The following BRD10 variants were observed in gnomAD, a reference collection of about 807,000 sequenced individuals.
BRD10 encodes the protein bromodomain containing 10.
At chr9:5,940,415 G>T in the BRD10 span, among the ~76,000 whole-genome samples, 1 of 151,960 alleles carries the variant, frequency 6.6e-6, no homozygotes, top group Non-Finnish European at 1.5e-5. Flanking sequence ...GGCTGGTCTC[G>T]AACTCCCAAC....
chr9:5,884,939 G>A, the BRD10 span, among the ~76,000 whole-genome samples: 29 of 152,270 alleles, frequency 1.9e-4, no homozygotes, highest in East Asian at 1.2e-3. Context: ...AATAGAGCCC[G>A]GGAACTGATG....
the BRD10 span, among the ~76,000 whole-genome samples, chr9:5,915,553 T>C: frequency 3.3e-5 from 5 of 152,306 alleles, no homozygotes; most frequent in East Asian, 9.6e-4. Flanking sequence ...TCTTAACCTA[T>C]AGCATTTCAT....
the BRD10 span, among the ~76,000 whole-genome samples, chr9:5,946,386 A>C: frequency 1.3e-5 from 2 of 152,044 alleles, no homozygotes; most frequent in African/African-American, 4.8e-5. Flanking sequence ...ATTTATTAGA[A>C]ACTACACATT....
chr9:5,920,166 T>A, the BRD10 span: 5 of 1,614,026 alleles, frequency 3.1e-6, no homozygotes, highest in South Asian at 5.5e-5. Context: ...GATGCTAGTG[T>A]GATCTTCTGG....
the BRD10 span, among the ~76,000 whole-genome samples, chr9:5,978,352 A>G: frequency 6.6e-6 from 1 of 151,792 alleles, no homozygotes. Flanking sequence ...CAAAGAGGTG[A>G]GAAAACATGG....
the BRD10 span, chr9:5,897,560 C>T: frequency 1.6e-4 from 257 of 1,614,022 alleles, 1 homozygote; most frequent in East Asian, 4.7e-3. Context: ...GGGCCAGGGC[C>T]GCTGGGATCG....
the BRD10 span, among the ~76,000 whole-genome samples, chr9:5,948,577 G>T: frequency 1.3e-5 from 2 of 151,116 alleles, no homozygotes; most frequent in African/African-American, 4.9e-5. Context: ...CTTCAAACTA[G>T]AAATTATGTC....
the BRD10 span, among the ~76,000 whole-genome samples, chr9:5,951,569 A>G: frequency 2.2e-4 from 33 of 152,316 alleles, no homozygotes; most frequent in South Asian, 4.1e-4. Context: ...GTGATATTTA[A>G]AACACCTTGA....
the BRD10 span, chr9:5,969,420 T>C: frequency 6.4e-7 from 1 of 1,568,324 alleles, no homozygotes; most frequent in Non-Finnish European, 8.6e-7. Context: ...GCTTCTTTTC[T>C]TTCCTGCTCC....
chr9:5,968,068 A>C, the BRD10 span: 1 of 1,553,306 alleles, frequency 6.4e-7, no homozygotes, highest in Non-Finnish European at 8.7e-7. Flanking sequence ...TCAATAACTT[A>C]TTCTGGATCT....
the BRD10 span, among the ~76,000 whole-genome samples, chr9:5,954,457 T>G: frequency 6.6e-6 from 1 of 152,196 alleles, no homozygotes; most frequent in African/African-American, 2.4e-5. Context: ...AAACCTTACC[T>G]TTAACATTGA....
At chr9:6,007,240 T>C in the BRD10 span, 13 of 1,613,772 alleles carry the variant, frequency 8.1e-6, no homozygotes, top group Admixed American at 2.2e-4. Flanking sequence ...CTCCAGCTTC[T>C]GGCCCTGTTT....
chr9:5,883,164 A>C, the BRD10 span, among the ~76,000 whole-genome samples: 3 of 80,994 alleles, frequency 3.7e-5, no homozygotes, highest in East Asian at 2.7e-4. Context: ...ATAAAAAAAA[A>C]CAAAAACAAA....
the BRD10 span, among the ~76,000 whole-genome samples, chr9:5,959,472 T>TA: frequency 6.6e-6 from 1 of 152,222 alleles, no homozygotes. Context: ...ATAGCATGTA[T>TA]AAAGGCTTAG....
At chr9:5,968,715 G>C in the BRD10 span, 1 of 1,613,638 alleles carries the variant, frequency 6.2e-7, no homozygotes, top group Non-Finnish European at 8.5e-7. Flanking sequence ...AATTTAATCC[G>C]AGGTACTCTT....
At chr9:5,897,796 A>T in the BRD10 span, 1 of 749,078 alleles carries the variant, frequency 1.3e-6, no homozygotes, top group Non-Finnish European at 2.3e-6. Flanking sequence ...CTTTTGCTAC[A>T]TTGTACTTTG....
chr9:5,923,013 G>T, the BRD10 span: 2 of 1,613,948 alleles, frequency 1.2e-6, no homozygotes, highest in Non-Finnish European at 1.7e-6. Flanking sequence ...GTAGACACTG[G>T]TACTGAATCC....
chr9:5,931,213 T>C, the BRD10 span, among the ~76,000 whole-genome samples: 1 of 152,036 alleles, frequency 6.6e-6, no homozygotes, highest in Non-Finnish European at 1.5e-5. Context: ...AGTGGTAGTG[T>C]GGCGGGGGAT....
At chr9:5,914,091 T>C in the BRD10 span, 8 of 445,604 alleles carry the variant, frequency 1.8e-5, no homozygotes, top group Middle Eastern at 3.3e-4. Context: ...ATGATCACAA[T>C]AGACAAAGTT....
Sources: allele counts gnomAD v4.1 joint callset (sites outside exome capture counted in the v4.1 genomes callset), GRCh38; gene constraint gnomAD v4.1.1; transcripts MANE v1.5; gene names NCBI Gene and HGNC (gene_info 2026-07-23, HGNC 2026-07-21).